The following CFC1 variants were observed in gnomAD, a reference collection of about 807,000 sequenced individuals.
CFC1 encodes cryptic protein.
For missense variants in CFC1, 14 were observed against 120.0 expected (o/e 0.12, Z 4.13); for synonymous variants, 8 against 50.7 (o/e 0.16, Z 3.58).
intron 5 of CFC1, among the ~76,000 whole-genome samples, chr2:130,595,796 T>C (rs1266172887): frequency 6.7e-6 from 1 of 149,630 alleles, no homozygotes; most frequent in Non-Finnish European, 1.5e-5. Flanking sequence ...GTTTACTATC[T>C]GTAGGAGTTG....
chr2:130,594,102 T>C (rs1684898316), intron 5 of CFC1, among the ~76,000 whole-genome samples: 1 of 151,474 alleles, frequency 6.6e-6, no homozygotes, highest in African/African-American at 2.5e-5. Context: ...AGCATGAAAC[T>C]GGAAATTAAC....
intron 5 of CFC1, among the ~76,000 whole-genome samples, chr2:130,595,825 T>C (rs1391378870): frequency 6.1e-5 from 9 of 146,758 alleles, no homozygotes; most frequent in Admixed American, 5.4e-4. Flanking sequence ...GTGTCTCAGC[T>C]TCCCCAAATG....
At position 130,598,576 on chromosome 2, in the gene CFC1, G is replaced by C. The variant is rs566528616; in HGVS notation, c.247+66C>G. On this transcript the variant is annotated intron_variant, in intron 3 of 5. Transcript: ENST00000259216. ...CTGAATTTATCCTACATATTCTCAG[G>C]TCCTAAACTCTGAGTCCGCAGACTG... The C allele has an allele frequency of 7.1e-4, 1,109 of 1,557,772 alleles. 26 individuals carry two copies. The African/African-American group carries it at 0.014, about 19-fold the overall frequency.
intron 5 of CFC1, among the ~76,000 whole-genome samples, chr2:130,596,072 G>A (rs1315814939): frequency 1.4e-5 from 1 of 69,520 alleles, no homozygotes; most frequent in African/African-American, 7.2e-5. Flanking sequence ...TTGCCTTGAA[G>A]CAGGATGAAT....
At chr2:130,593,862 G>T (rs1684889912) in intron 5 of CFC1, among the ~76,000 whole-genome samples, 1 of 133,456 alleles carries the variant, frequency 7.5e-6, no homozygotes, top group African/African-American at 3.2e-5. Context: ...GCCATGTGAA[G>T]CGGACAACCT....
intron 5 of CFC1, among the ~76,000 whole-genome samples, chr2:130,594,375 G>A (rs1163031243): frequency 7.0e-6 from 1 of 142,898 alleles, no homozygotes; most frequent in Non-Finnish European, 1.5e-5. Flanking sequence ...AGGTGAGAAA[G>A]GGGTCAGCAG....
rs1289850836 is a variant in CFC1, at chr2:130,592,381, CTT to C, written c.*494_*495del. 1.7e-4 allele frequency: 40 copies of C among 237,174 alleles called. No individual in the cohort carries two copies. The highest frequency in any genetic ancestry group is 3.0e-4 in the Non-Finnish European group (37 of 121,620). 14.7% of individuals were successfully genotyped at this position (237,174 alleles called of 1,614,324 possible). On this transcript the variant is annotated 3_prime_UTR_variant, in exon 6 of 6. Transcript: ENST00000259216. ...GTGCCCTCTACCCGAAGTGTGTGCTCTTGAGGGCACATTCCGCATGGCCAAGC... is the reference window on the plus strand; with the variant it reads ...GTGCCCTCTACCCGAAGTGTGTGCTCGAGGGCACATTCCGCATGGCCAAGC...
chr2:130,593,974 G>A (rs1414132696), intron 5 of CFC1, among the ~76,000 whole-genome samples: 1 of 143,110 alleles, frequency 7.0e-6, no homozygotes, highest in South Asian at 2.2e-4. Flanking sequence ...CAACTACAGG[G>A]ATCCTCTCCC....
At chr2:130,596,794 CCTG>C (rs1684972155) in intron 5 of CFC1, among the ~76,000 whole-genome samples, 2 of 143,354 alleles carry the variant, frequency 1.4e-5, no homozygotes, top group Non-Finnish European at 3.0e-5. Context: ...AGCAGGACGG[CCTG>C]AGAGCGACAG....
intron 5 of CFC1, among the ~76,000 whole-genome samples, chr2:130,593,290 C>CG (rs1232004619): frequency 6.6e-6 from 1 of 152,256 alleles, no homozygotes; most frequent in African/African-American, 2.4e-5. Flanking sequence ...TTGTAGAACT[C>CG]GGAGAGCTGA....
At chr2:130,595,687 G>A (rs1384276802) in intron 5 of CFC1, among the ~76,000 whole-genome samples, 6 of 150,248 alleles carry the variant, frequency 4.0e-5, no homozygotes, top group South Asian at 2.1e-4. Flanking sequence ...GCAGTGAGCC[G>A]AGACTGCGCC....
At position 130,598,647 on chromosome 2, in the gene CFC1, C is replaced by G. The variant is rs746785613; in HGVS notation, c.242G>C (p.Gly81Ala). ...TGGGCAGCGCTGCAACTTACCCTCT[C>G]CGAAAGCCCGGGAGTAGGGGAGCGG... ...EEPLPYSRAF[G>A]EGASARPRCC... Residue 81 changes from glycine to alanine, a missense_variant, in exon 3 of 6, where the codon GGA (glycine) becomes GCA (alanine). Physicochemically the swap from Gly to Ala is moderately conservative, Grantham distance 60 (BLOSUM62 0). Transcript: ENST00000259216. 1 of 1,613,848 alleles carries G rather than the reference C, an allele frequency of 6.2e-7. No homozygotes were observed. Among genetic ancestry groups the G allele is most frequent in the Non-Finnish European group, 8.5e-7 (1 of 1,179,894 alleles).
intron 5 of CFC1, among the ~76,000 whole-genome samples, chr2:130,595,742 A>G (rs1466476853): frequency 6.6e-6 from 1 of 151,260 alleles, no homozygotes; most frequent in Non-Finnish European, 1.5e-5. Flanking sequence ...CATCTCAAAA[A>G]AAAAAAGACT....
chr2:130,592,752 T>TC lies in CFC1; in HGVS notation c.*124dup. On this transcript the variant is annotated 3_prime_UTR_variant, in exon 6 of 6. Transcript: ENST00000259216. ...CACAGTGGTGCTGGGGACACACGTG[T>TC]CCCTCTCCCAAGGATCTGGAGCCAA... The TC allele has an allele frequency of 5.0e-6, 1 of 198,138 alleles. No individual in the cohort carries two copies. Among genetic ancestry groups the TC allele is most frequent in the Non-Finnish European group, 8.6e-6 (1 of 115,788 alleles). 12.3% of individuals were successfully genotyped at this position (198,138 alleles called of 1,614,324 possible).
At chr2:130,593,371 G>A (rs558107114) in intron 5 of CFC1, among the ~76,000 whole-genome samples, 290 of 152,322 alleles carry the variant, frequency 1.9e-3, no homozygotes, top group African/African-American at 6.7e-3. Context: ...TTTGGCCCGT[G>A]ACCTTTCAGG....
chr2:130,597,213 TCTC>T (rs1249064996), intron 5 of CFC1, among the ~76,000 whole-genome samples: 3 of 124,442 alleles, frequency 2.4e-5, no homozygotes, highest in Admixed American at 7.6e-5. Context: ...CAGCTGGTCA[TCTC>T]CTGAAATTCT....
At chr2:130,598,143 C>CT (rs1481023425) in intron 3 of CFC1, among the ~76,000 whole-genome samples, 161 bp from the exon 4 acceptor site, 1 of 106,956 alleles carries the variant, frequency 9.3e-6, no homozygotes, top group Non-Finnish European at 1.8e-5. Flanking sequence ...GTGAAACAAA[C>CT]TATCAGGGGT....
intron 5 of CFC1, among the ~76,000 whole-genome samples, chr2:130,595,750 A>G (rs1166691807): frequency 1.3e-5 from 2 of 151,296 alleles, no homozygotes; most frequent in South Asian, 2.1e-4. Flanking sequence ...AAAAAAAAAG[A>G]CTACAGGAAT....
Position 130,598,648 on chromosome 2 carries a change from C to G in CFC1, c.241G>C (p.Gly81Arg), listed in dbSNP as rs567136194. The G allele has an allele frequency of 1.2e-5, 19 of 1,613,968 alleles. No homozygotes were observed. In the South Asian group the frequency reaches 2.1e-4, roughly 18 times the overall value. ...GGGCAGCGCTGCAACTTACCCTCTC[C>G]GAAAGCCCGGGAGTAGGGGAGCGGC... ...EEPLPYSRAF[G>R]EGASARPRCC... is the part of the protein sequence containing the mutation. The change falls in exon 3 of 6, where the codon GGA becomes CGA. Residue 81 changes from glycine (G) to arginine (R), a missense_variant. Coordinates refer to ENST00000259216, the MANE Select transcript of CFC1 (RefSeq NM_032545.4).
Sources: gnomAD v4.1 joint callset for allele counts (sites outside exome capture counted in the v4.1 genomes callset) on GRCh38, gnomAD v4.1.1 for gene constraint, MANE v1.5 for transcripts, NCBI Gene and HGNC (gene_info 2026-07-23, HGNC 2026-07-21) for gene names.